CALN1: variants seen among roughly 807,000 people sequenced by gnomAD.
CALN1 encodes the protein calneuron 1.
A neutral mutation model predicts 30.6 loss-of-function variants in CALN1; 17 were observed. That is an observed-to-expected ratio of 0.56 (90% CI 0.38 to 0.83). The LOEUF (loss-of-function observed/expected upper bound fraction) is 0.83. Among genes scored for constraint, CALN1 ranks in the 40% least tolerant of loss-of-function variants. CALN1 has a pLI of 0.00. For synonymous variants in CALN1, 156 were observed against 131.4 expected (o/e 1.19, Z -1.28); for missense variants, 291 against 354.9 (o/e 0.82, Z 1.45).
chr7:72,380,913 T>C (rs1333692668), intron 2 of CALN1, among the ~76,000 whole-genome samples: 1 of 152,120 alleles, frequency 6.6e-6, no homozygotes, highest in Non-Finnish European at 1.5e-5. Flanking sequence ...CAGGAAGACA[T>C]GGCCTTTGTG....
At chr7:71,993,837 C>T (rs1035213510) in intron 5 of CALN1, among the ~76,000 whole-genome samples, 3 of 152,056 alleles carry the variant, frequency 2.0e-5, no homozygotes, top group Non-Finnish European at 2.9e-5. Context: ...ACACGATACG[C>T]TAAACAAAAT....
intron 3 of CALN1, among the ~76,000 whole-genome samples, chr7:72,212,529 A>T (rs1585179045): frequency 6.6e-6 from 1 of 151,984 alleles, no homozygotes; most frequent in Non-Finnish European, 1.5e-5. Flanking sequence ...TAATATTCAG[A>T]TATTTCTAGG....
chr7:72,382,587 G>T (rs913011895), intron 2 of CALN1, among the ~76,000 whole-genome samples: 1 of 152,102 alleles, frequency 6.6e-6, no homozygotes, highest in South Asian at 2.1e-4. Flanking sequence ...TACCCAATAG[G>T]AAGTTTCTCA....
intron 4 of CALN1, among the ~76,000 whole-genome samples, chr7:72,058,982 T>A (rs1243022198): frequency 6.6e-6 from 1 of 152,242 alleles, no homozygotes; most frequent in Non-Finnish European, 1.5e-5. Context: ...GTTTTAAACT[T>A]GGACTTAAAC....
At chr7:71,979,220 T>C (rs1394865198) in intron 5 of CALN1, among the ~76,000 whole-genome samples, 3 of 152,158 alleles carry the variant, frequency 2.0e-5, no homozygotes, top group Non-Finnish European at 4.4e-5. Flanking sequence ...TTCCTAGGAC[T>C]GGGGAGAGGG....
chr7:72,321,519 T>TA (rs1182823916), intron 2 of CALN1, among the ~76,000 whole-genome samples: 1 of 152,144 alleles, frequency 6.6e-6, no homozygotes, highest in East Asian at 1.9e-4. Context: ...ATCGTAAACG[T>TA]AATTGTTTTG....
intron 2 of CALN1, among the ~76,000 whole-genome samples, chr7:72,299,041 A>G (rs925385133): frequency 2.6e-5 from 4 of 152,060 alleles, no homozygotes; most frequent in African/African-American, 9.7e-5. Context: ...CCCCCTAACC[A>G]GGCACTTGTG....
chr7:71,895,258 A>G (rs1373957817), intron 5 of CALN1, among the ~76,000 whole-genome samples: 1 of 151,990 alleles, frequency 6.6e-6, no homozygotes, highest in Non-Finnish European at 1.5e-5. Flanking sequence ...CCCGGCCTTG[A>G]ATTTCATTTT....
intron 3 of CALN1, among the ~76,000 whole-genome samples, chr7:72,273,501 CTTTT>C (rs773609513): frequency 2.0e-4 from 20 of 101,832 alleles, no homozygotes; most frequent in East Asian, 1.7e-3. Context: ...AGGCAAGATT[CTTTT>C]TTTTTTTTTT....
At chr7:72,206,111 T>C (rs769592937) in intron 3 of CALN1, among the ~76,000 whole-genome samples, 1 of 152,218 alleles carries the variant, frequency 6.6e-6, no homozygotes, top group African/African-American at 2.4e-5. Flanking sequence ...CATTTTGTTT[T>C]TGTTTTTTGA....
At chr7:72,387,590 C>A (rs1325816089) in intron 2 of CALN1, among the ~76,000 whole-genome samples, 1 of 152,084 alleles carries the variant, frequency 6.6e-6, no homozygotes, top group Non-Finnish European at 1.5e-5. Flanking sequence ...CCTCTGTGAT[C>A]TTCCTCCCCT....
Position 72,394,352 on chromosome 7 carries a change from T to C in CALN1, c.119+8899A>G, listed in dbSNP as rs917112230. Among the ~76,000 whole-genome samples, 3 of 152,210 alleles carry C rather than the reference T, an allele frequency of 2.0e-5. No homozygotes were observed. In the East Asian group the frequency reaches 5.8e-4, roughly 29 times the overall value. ...AAAAATGTACATGTTTTGACCCAGA[T>C]GTTTCACTTCTAGAAAATGTAGCTT... On this transcript the variant is annotated intron_variant, in intron 2 of 6. Transcript: ENST00000395275.
At chr7:72,499,770 TTTC>T in the CALN1 span, among the ~76,000 whole-genome samples, 2 of 127,080 alleles carry the variant, frequency 1.6e-5, no homozygotes, top group Non-Finnish European at 3.1e-5. Flanking sequence ...CAAAACTTTC[TTTC>T]TTTCCTTCCT....
chr7:71,958,727 A>T (rs6944962), intron 5 of CALN1, among the ~76,000 whole-genome samples: 99,184 of 152,092 alleles, frequency 0.65, 32,817 homozygotes, highest in East Asian at 0.84. Flanking sequence ...GCTGACCACA[A>T]TGGTGCTAGC....
At chr7:72,022,978 G>A (rs999251764) in intron 5 of CALN1, among the ~76,000 whole-genome samples, 6 of 149,956 alleles carry the variant, frequency 4.0e-5, no homozygotes, top group African/African-American at 7.3e-5. Flanking sequence ...TCTGAATGGC[G>A]TTTTACGTGT....
At chr7:71,923,268 T>C (rs912764305) in intron 5 of CALN1, among the ~76,000 whole-genome samples, 1 of 152,168 alleles carries the variant, frequency 6.6e-6, no homozygotes, top group African/African-American at 2.4e-5. Flanking sequence ...CTCAGAATGA[T>C]TACTTCTGTG....
intron 2 of CALN1, chr7:72,336,708 TG>T: frequency 1.0e-6 from 1 of 985,334 alleles, no homozygotes; most frequent in Non-Finnish European, 1.2e-6. Flanking sequence ...ACTCACCTCT[TG>T]CTGGGCCGGG....
At chr7:72,357,545 C>A (rs953012163) in intron 2 of CALN1, among the ~76,000 whole-genome samples, 4 of 151,866 alleles carry the variant, frequency 2.6e-5, no homozygotes, top group African/African-American at 9.7e-5. Context: ...CTTGATCTTA[C>A]CATGAGCATC....
chr7:71,847,392 G>A (rs1790325602), intron 5 of CALN1, among the ~76,000 whole-genome samples: 1 of 152,046 alleles, frequency 6.6e-6, no homozygotes, highest in African/African-American at 2.4e-5. Flanking sequence ...GCTCACGCTT[G>A]TAATCCTAGC....
Sources: gnomAD v4.1 joint callset for allele counts (sites outside exome capture counted in the v4.1 genomes callset) on GRCh38, gnomAD v4.1.1 for gene constraint, MANE v1.5 for transcripts, NCBI Gene and HGNC (gene_info 2026-07-23, HGNC 2026-07-21) for gene names.